Variants in PITPNM3 observed in about 807,000 individuals in gnomAD.
PITPNM3 encodes the protein membrane-associated phosphatidylinositol transfer protein 3.
A neutral mutation model predicts 102.0 loss-of-function variants in PITPNM3; 26 were observed. The ratio of observed to expected loss-of-function variants is 0.25; its 90% CI spans 0.19 to 0.35. The LOEUF (loss-of-function observed/expected upper bound fraction) is 0.35, where lower values mean the gene tolerates loss of function less well. Among genes scored for constraint, PITPNM3 ranks in the 10% least tolerant of loss-of-function variants. The probability of loss-of-function intolerance (pLI) is 1.00; values close to 1 mark genes in which losing one functional copy is unlikely to be tolerated. For synonymous variants in PITPNM3, 578 were observed against 558.6 expected, an observed-to-expected ratio of 1.03 and a Z score of -0.49; for missense variants, 1,083 against 1,346.1, an observed-to-expected ratio of 0.80 and a Z score of 3.06.
At chr17:6,515,697 A>G (rs1908125881) in intron 3 of PITPNM3, among the ~76,000 whole-genome samples, 1 of 147,926 alleles carries the variant, frequency 6.8e-6, no homozygotes, top group South Asian at 2.2e-4. Context: ...TCCAATCTTA[A>G]GTGTGTAGTT....
At position 6,452,014 on chromosome 17, in the gene PITPNM3, C is replaced by T. The variant is rs991305785; in HGVS notation, c.*3324G>A. 8 of 152,072 alleles carry T rather than the reference C, an allele frequency of 5.3e-5. No homozygotes were observed. The highest frequency in any genetic ancestry group is 4.6e-4 in the Admixed American group (7 of 15,256). The allele number at this position is 152,072 out of a possible 1,614,324, so 9.4% of individuals were successfully genotyped here. ...GACCCACGTGCCTCATGAAAGACTC[C>T]AGGGCACAGGTATGGGTCCCAAAGG... On this transcript the variant is annotated 3_prime_UTR_variant, in exon 20 of 20. Transcript: ENST00000262483.
At chr17:6,476,313 G>A (rs1905297771) in intron 9 of PITPNM3, among the ~76,000 whole-genome samples, 3 of 152,128 alleles carry the variant, frequency 2.0e-5, no homozygotes, top group Non-Finnish European at 1.5e-5. Context: ...GGAGGAAGGA[G>A]AAAGGAAGGA....
At chr17:6,492,550 G>A (rs1952097121) in intron 4 of PITPNM3, among the ~76,000 whole-genome samples, 1 of 152,184 alleles carries the variant, frequency 6.6e-6, no homozygotes, top group South Asian at 2.1e-4. Context: ...TTAAGATCCT[G>A]TGTTTGGGTT....
At chr17:6,456,031 T>C (rs769209973) in intron 19 of PITPNM3, among the ~76,000 whole-genome samples, 9 of 151,870 alleles carry the variant, frequency 5.9e-5, no homozygotes, top group Non-Finnish European at 1.2e-4. Flanking sequence ...AATTAATTAA[T>C]TTATTTATTT....
chr17:6,529,214 A>G (rs975596644), intron 2 of PITPNM3, among the ~76,000 whole-genome samples: 2 of 152,174 alleles, frequency 1.3e-5, no homozygotes, highest in Non-Finnish European at 1.5e-5. Flanking sequence ...TACTCCTGTA[A>G]GCACAACCTA....
At chr17:6,538,140 G>A (rs1909544030) in intron 1 of PITPNM3, 58 bp from the exon 2 acceptor site, 2 of 1,341,216 alleles carry the variant, frequency 1.5e-6, no homozygotes, top group African/African-American at 2.9e-5. Context: ...GTATGAGGGA[G>A]GTGACCCAAG....
chr17:6,504,595 T>C (rs1402220536), intron 3 of PITPNM3, among the ~76,000 whole-genome samples: 4 of 152,254 alleles, frequency 2.6e-5, no homozygotes, highest in Non-Finnish European at 5.9e-5. Context: ...TTAGGCTCCC[T>C]CTGGCCTGCT....
rs1427824497 is a variant in PITPNM3, at chr17:6,468,610, C to T, written c.1774-269G>A. ...AACCTGGCAGCCACCTCTATCTGTC[C>T]CCACTCTCTGCCCTCCCTCTGTTAC... is the stretch of plus-strand genomic sequence containing the variant. On this transcript the variant is annotated intron_variant, in intron 13 of 19. Transcript: ENST00000262483. This position sits in a 1 kb window ranked among gnomAD's most constrained non-coding sequence, Gnocchi z 5.2. 2.0e-5 allele frequency among the ~76,000 whole-genome samples: 3 copies of T among 152,220 alleles called. No individual in the cohort carries two copies. The South Asian group carries it at 6.2e-4, about 32-fold the overall frequency.
At chr17:6,526,426 C>T (rs17731243) in intron 2 of PITPNM3, among the ~76,000 whole-genome samples, 2,208 of 152,250 alleles carry the variant, frequency 0.015, 25 homozygotes, top group Non-Finnish European at 0.022. Flanking sequence ...GCAGAACAGA[C>T]ATCAAAGGGT....
At chr17:6,544,996 G>GGACA (rs1372270396) in intron 1 of PITPNM3, among the ~76,000 whole-genome samples, 1 of 152,052 alleles carries the variant, frequency 6.6e-6, no homozygotes, top group African/African-American at 2.4e-5. Context: ...AGGCTCCTGC[G>GGACA]GACAGGCAGG....
intron 3 of PITPNM3, 127 bp from the exon 4 acceptor site, chr17:6,503,701 C>T (rs1407548385): frequency 7.5e-6 from 7 of 930,866 alleles, no homozygotes; most frequent in Non-Finnish European, 1.2e-5. Context: ...AGAAGTATCT[C>T]CTACCACTTC....
chr17:6,548,023 T>G (rs356046), intron 1 of PITPNM3, among the ~76,000 whole-genome samples: 1 of 151,888 alleles, frequency 6.6e-6, no homozygotes, highest in Non-Finnish European at 1.5e-5. Context: ...CCACCACGCC[T>G]GGCTGGGGTC....
At chr17:6,492,065 C>CTT (rs554684663) in intron 4 of PITPNM3, among the ~76,000 whole-genome samples, 16 of 137,548 alleles carry the variant, frequency 1.2e-4, no homozygotes, top group Non-Finnish European at 2.1e-4. Flanking sequence ...ATGCAAGGAA[C>CTT]TTTTTTTTTT....
At chr17:6,525,548 T>C in intron 2 of PITPNM3, 85 bp from the exon 3 acceptor site, 1 of 971,834 alleles carries the variant, frequency 1.0e-6, no homozygotes, top group Admixed American at 1.8e-5. Context: ...AGGGACATTT[T>C]CTCTTGTCCT....
At position 6,468,150 on chromosome 17, in the gene PITPNM3, T is replaced by G. The variant is rs1309271622; in HGVS notation, c.1890+75A>C. On this transcript the variant is annotated intron_variant, in intron 14 of 19. Transcript: ENST00000262483. This position sits in a 1 kb window ranked among gnomAD's most constrained non-coding sequence, Gnocchi z 5.2. ...TTGAAGCGCTTACCTCCCATGTGGA[T>G]GCCCCAGCCCCCGGGCCAGCCCCAC... 7 of 1,412,050 alleles carry G rather than the reference T, an allele frequency of 5.0e-6. No homozygotes were observed. Among genetic ancestry groups the G allele is most frequent in the Non-Finnish European group, 5.0e-6 (5 of 1,001,946 alleles). 87.5% of individuals were successfully genotyped at this position (1,412,050 alleles called of 1,614,324 possible). A position where few individuals can be genotyped will look rare whatever the true frequency, so the allele number is the denominator to read the frequency against.
intron 3 of PITPNM3, among the ~76,000 whole-genome samples, chr17:6,519,181 C>A (rs1908351376): frequency 5.5e-5 from 4 of 72,394 alleles, no homozygotes; most frequent in Non-Finnish European, 1.2e-4. Flanking sequence ...ACTAAAAATA[C>A]AAAAAATTAG....
At position 6,531,624 on chromosome 17, in the gene PITPNM3, G is replaced by A. The variant is rs557449658; in HGVS notation, c.119-6161C>T. 3.3e-5 allele frequency among the ~76,000 whole-genome samples: 5 copies of A among 152,342 alleles called. No homozygotes were observed. The South Asian group carries it at 6.2e-4, about 19-fold the overall frequency. ...CTCTGGCCTTCTCTGGGACAGGGACGGGGTACCCAGGGCCAACCCTGAGCC... is the reference window on the plus strand; with the variant it reads ...CTCTGGCCTTCTCTGGGACAGGGACAGGGTACCCAGGGCCAACCCTGAGCC... On this transcript the variant is annotated intron_variant, in intron 2 of 19. Coordinates refer to ENST00000262483, the MANE Select transcript of PITPNM3 (RefSeq NM_031220.4).
At chr17:6,554,611 CT>C (rs1456234896) in intron 1 of PITPNM3, among the ~76,000 whole-genome samples, 2 of 152,202 alleles carry the variant, frequency 1.3e-5, no homozygotes. Flanking sequence ...TTCCCACAGA[CT>C]CTCAGCCCAG....
intron 1 of PITPNM3, among the ~76,000 whole-genome samples, chr17:6,541,180 G>A (rs554726181): frequency 6.6e-6 from 1 of 152,236 alleles, no homozygotes; most frequent in East Asian, 1.9e-4. Flanking sequence ...CCAACAAGGA[G>A]AAAAGCAATG....
Sources: allele counts gnomAD v4.1 joint callset (sites outside exome capture counted in the v4.1 genomes callset), GRCh38; gene constraint gnomAD v4.1.1; non-coding constraint Gnocchi (gnomAD v3.1); transcripts MANE v1.5; gene names NCBI Gene and HGNC (gene_info 2026-07-23, HGNC 2026-07-21).